The following TAB2 variants were observed in gnomAD, a reference collection of about 807,000 sequenced individuals.
TAB2 encodes the protein TGF-beta activated kinase 1 (MAP3K7) binding protein 2.
TAB2 carries 3 observed loss-of-function variants against 65.0 expected under a neutral mutation model. The observed-to-expected ratio is 0.05, with a 90% CI of 0.02 to 0.12. The LOEUF is 0.12. TAB2 is among the 10% of genes least tolerant of loss of function. The pLI is 1.00. For missense variants in TAB2, 623 were observed against 840.3 expected, an observed-to-expected ratio of 0.74 and a Z score of 3.20; for synonymous variants, 298 against 285.1, an observed-to-expected ratio of 1.05 and a Z score of -0.46.
chr6:149,255,852 A>C (rs1778017324), intron 1 of TAB2, among the ~76,000 whole-genome samples: 1 of 152,242 alleles, frequency 6.6e-6, no homozygotes, highest in Non-Finnish European at 1.5e-5. Flanking sequence ...ATTTGGAAAG[A>C]GAAAGAAGAA....
At chr6:149,287,335 CA>C (rs1448241566) in intron 1 of TAB2, among the ~76,000 whole-genome samples, 2 of 152,040 alleles carry the variant, frequency 1.3e-5, no homozygotes, top group Non-Finnish European at 2.9e-5. Flanking sequence ...GTTTGAAAAA[CA>C]AATAGATAAA....
intron 6 of TAB2, among the ~76,000 whole-genome samples, chr6:149,402,790 G>T: frequency 6.6e-6 from 1 of 152,038 alleles, no homozygotes; most frequent in East Asian, 1.9e-4. Flanking sequence ...GACCAAGTGG[G>T]GTTTATCTCT....
In TAB2 at chr6:149,342,963, C is replaced by A. The variant is rs1416473836; in HGVS notation, c.-90+24948C>A. Reference sequence around the variant, plus strand: ...CTTTAAAGTATAGTAACACTAACATCTAGGTAACATGCAGCTAGTATTGAG... The same window carrying A: ...CTTTAAAGTATAGTAACACTAACATATAGGTAACATGCAGCTAGTATTGAG... On this transcript the variant is annotated intron_variant, in intron 1 of 6. Transcript: ENST00000637181. 2.6e-5 allele frequency: 4 copies of A among 152,158 alleles called. No homozygotes were observed. In the East Asian group the frequency reaches 7.7e-4, roughly 29 times the overall value. The allele number at this position is 152,158 out of a possible 1,614,324, so 9.4% of individuals were successfully genotyped here.
intron 1 of TAB2, among the ~76,000 whole-genome samples, chr6:149,322,548 A>G (rs560377640): frequency 4.7e-4 from 72 of 152,226 alleles, no homozygotes; most frequent in African/African-American, 1.7e-3. Context: ...TTTGCCACTT[A>G]GTAGCTTTGC....
intron 6 of TAB2, among the ~76,000 whole-genome samples, chr6:149,402,692 C>G (rs1331002388): frequency 1.3e-5 from 2 of 152,156 alleles, no homozygotes; most frequent in African/African-American, 2.4e-5. Flanking sequence ...AAACTACAGA[C>G]CAATATTACT....
intron 1 of TAB2, among the ~76,000 whole-genome samples, chr6:149,272,591 T>A (rs1203649830): frequency 6.6e-6 from 1 of 152,178 alleles, no homozygotes. Context: ...CTTACAAGGA[T>A]CCTTGTGATT....
chr6:149,303,502 T>A (rs611454), intron 1 of TAB2, among the ~76,000 whole-genome samples: 1 of 151,892 alleles, frequency 6.6e-6, no homozygotes, highest in African/African-American at 2.4e-5. Flanking sequence ...TGTATTTATA[T>A]ATATAAATAT....
At chr6:149,253,335 T>C (rs1036884636) in intron 1 of TAB2, among the ~76,000 whole-genome samples, 1 of 152,126 alleles carries the variant, frequency 6.6e-6, no homozygotes, top group Non-Finnish European at 1.5e-5. Context: ...AAGAATGTAG[T>C]TTTGGCCAGG....
rs538777041 is a variant in TAB2 at position 149,220,511 on chromosome 6, AT to A, written c.-121+1736del. Reference sequence around the variant, plus strand: ...ATGTTGGCATATTGTATTATATAATATCCCCAAAGATTACATCTATTAATAT... The same window carrying A: ...ATGTTGGCATATTGTATTATATAATACCCCAAAGATTACATCTATTAATAT... On this transcript the variant is annotated intron_variant, in intron 1 of 1. Coordinates refer to the TAB2 transcript ENST00000606202. Among the ~76,000 whole-genome samples the A allele has an allele frequency of 2.1e-3, 319 of 152,324 alleles. 3 individuals carry two copies. The highest frequency in any genetic ancestry group is 0.01 in the Middle Eastern group (3 of 294).
chr6:149,308,395 TAAAC>T (rs1160860408), intron 1 of TAB2, among the ~76,000 whole-genome samples: 2 of 152,234 alleles, frequency 1.3e-5, no homozygotes, highest in Non-Finnish European at 2.9e-5. Context: ...TTGCCATTAA[TAAAC>T]AAACGAAGAA....
At chr6:149,363,664 A>G (rs1261373649) in intron 1 of TAB2, among the ~76,000 whole-genome samples, 4 of 152,208 alleles carry the variant, frequency 2.6e-5, no homozygotes, top group Non-Finnish European at 5.9e-5. Flanking sequence ...TGTTTTATCC[A>G]TAATATAACT....
chr6:149,275,216 G>C (rs9404024), intron 1 of TAB2, among the ~76,000 whole-genome samples: 50,639 of 121,150 alleles, frequency 0.42, 11,658 homozygotes, highest in East Asian at 0.65. Context: ...CCCTTGGGCG[G>C]GGGAGGGGGG....
chr6:149,264,532 A>C (rs1778221699), intron 1 of TAB2, among the ~76,000 whole-genome samples: 1 of 152,132 alleles, frequency 6.6e-6, no homozygotes, highest in African/African-American at 2.4e-5. Context: ...CATGTATAAG[A>C]CTGTGTAGTG....
At chr6:149,399,965 A>G (rs1441983855) in intron 6 of TAB2, among the ~76,000 whole-genome samples, 2 of 152,262 alleles carry the variant, frequency 1.3e-5, no homozygotes, top group African/African-American at 4.8e-5. Context: ...GTTGTTATCA[A>G]CTTAAAATAG....
chr6:149,345,134 T>C (rs1282636855), intron 1 of TAB2, among the ~76,000 whole-genome samples: 1 of 152,124 alleles, frequency 6.6e-6, no homozygotes, highest in Non-Finnish European at 1.5e-5. Context: ...ACTTAGTCAG[T>C]TTGAGTGCTT....
At chr6:149,380,827 C>T (rs747237441) in intron 3 of TAB2, among the ~76,000 whole-genome samples, 3 of 152,208 alleles carry the variant, frequency 2.0e-5, no homozygotes, top group Non-Finnish European at 2.9e-5. Context: ...AGTGATTTTA[C>T]TGCTGAGTCT....
chr6:149,283,671 T>C (rs1778616419), intron 1 of TAB2, among the ~76,000 whole-genome samples: 1 of 152,000 alleles, frequency 6.6e-6, no homozygotes, highest in Non-Finnish European at 1.5e-5. Context: ...GATCACTCCA[T>C]TGTACTCCAG....
At chr6:149,272,075 G>A (rs186303361) in intron 1 of TAB2, among the ~76,000 whole-genome samples, 1 of 151,996 alleles carries the variant, frequency 6.6e-6, no homozygotes, top group East Asian at 1.9e-4. Context: ...GTAATTTTCT[G>A]TTGTAAGAGG....
At chr6:149,402,053 A>G (rs1027250105) in intron 6 of TAB2, among the ~76,000 whole-genome samples, 3 of 152,012 alleles carry the variant, frequency 2.0e-5, no homozygotes, top group Non-Finnish European at 4.4e-5. Flanking sequence ...TAGAAGAACA[A>G]CAAGCTAAGC....
Sources: gnomAD v4.1 joint callset for allele counts (sites outside exome capture counted in the v4.1 genomes callset) on GRCh38, gnomAD v4.1.1 for gene constraint, MANE v1.5 for transcripts, NCBI Gene and HGNC (gene_info 2026-07-23, HGNC 2026-07-21) for gene names.